The following ATP6V1H variants were observed in gnomAD, a reference collection of about 807,000 sequenced individuals.
The protein encoded by ATP6V1H is ATPase H+ transporting V1 subunit H.
A neutral mutation model predicts 71.7 loss-of-function variants in ATP6V1H; 39 were observed. The observed-to-expected ratio is 0.54, with a 90% CI of 0.42 to 0.71. The LOEUF is 0.71. Ranked by LOEUF, ATP6V1H falls within the 30% of genes least tolerant of loss-of-function variation. The probability of loss-of-function intolerance (pLI) is 0.00; values close to 1 mark genes in which losing one functional copy is unlikely to be tolerated. For missense variants in ATP6V1H, 509 were observed against 594.9 expected (o/e 0.86, Z 1.50); for synonymous variants, 192 against 199.3 (o/e 0.96, Z 0.31).
chr8:53,741,115 T>C (rs1273665639), intron 13 of ATP6V1H, among the ~76,000 whole-genome samples: 1 of 152,168 alleles, frequency 6.6e-6, no homozygotes, highest in Non-Finnish European at 1.5e-5. Flanking sequence ...TAAACCAGTA[T>C]TTCCCTGTAA....
intron 11 of ATP6V1H, among the ~76,000 whole-genome samples, chr8:53,765,950 G>A (rs1016350497): frequency 1.2e-4 from 18 of 152,136 alleles, no homozygotes; most frequent in African/African-American, 2.2e-4. Context: ...CAAATAGATC[G>A]CTGAAACAGA....
Position 53,829,478 on chromosome 8 carries a change from T to G in ATP6V1H, c.272A>C (p.Gln91Pro). ...MTHICKEQTV[Q>P]YILTMVDDML... The stretch of plus-strand genomic sequence containing the variant: ...ATCATCCACCATAGTTAGTATATAC[T>G]GAACGGTCTGTTCTTTGCAGATATG... Residue 91 changes from glutamine (Q) to proline (P), a missense_variant, in exon 4 of 14, where the codon CAG becomes CCG. This residue lies in a region of ATP6V1H where 297 missense variants were observed against 303.3 expected (regional missense o/e 0.98). Coordinates refer to ENST00000359530, the MANE Select transcript of ATP6V1H (RefSeq NM_015941.4). The G allele has an allele frequency of 6.2e-7, 1 of 1,605,492 alleles. No individual in the cohort carries two copies. The highest frequency in any genetic ancestry group is 8.5e-7 in the Non-Finnish European group (1 of 1,176,668).
chr8:53,817,553 T>C (rs761595443), intron 4 of ATP6V1H, 23 bp from the exon 5 acceptor site: 79 of 1,457,522 alleles, frequency 5.4e-5, no homozygotes, highest in Non-Finnish European at 7.0e-5. Context: ...AGAAATGATA[T>C]CACCAGTCAG....
intron 12 of ATP6V1H, among the ~76,000 whole-genome samples, chr8:53,753,137 A>C (rs1807861599): frequency 6.6e-6 from 1 of 151,678 alleles, no homozygotes; most frequent in Non-Finnish European, 1.5e-5. Context: ...AGGAGAAAAT[A>C]ATTTGAAAAC....
At chr8:53,777,438 TAAAGG>T (rs1808933974) in intron 9 of ATP6V1H, among the ~76,000 whole-genome samples, 1 of 142,344 alleles carries the variant, frequency 7.0e-6, no homozygotes, top group Non-Finnish European at 1.5e-5. Flanking sequence ...GAGAGAAAAA[TAAAGG>T]AGAGAGGTCA....
chr8:53,765,269 G>A (rs1356459299), intron 11 of ATP6V1H, among the ~76,000 whole-genome samples: 1 of 151,854 alleles, frequency 6.6e-6, no homozygotes, highest in South Asian at 2.1e-4. Flanking sequence ...GGGCGTGGTG[G>A]TGCGCGCCTG....
intron 12 of ATP6V1H, among the ~76,000 whole-genome samples, chr8:53,751,387 C>A (rs575532069): frequency 6.6e-6 from 1 of 152,114 alleles, no homozygotes; most frequent in African/African-American, 2.4e-5. Flanking sequence ...CTGTACTAAC[C>A]GAATTGGAAG....
rs531242762 is a variant in ATP6V1H at position 53,747,447 on chromosome 8, C to T, written c.1278-3757G>A. On this transcript the variant is annotated intron_variant, in intron 12 of 13. Coordinates refer to ENST00000359530, the MANE Select transcript of ATP6V1H (RefSeq NM_015941.4). ...ATTTTGGAGAATATTTATCAGATTT[C>T]TAAGTGAGGAAGCTCACTCTTCTCA... is the stretch of plus-strand genomic sequence containing the variant. 1.5e-4 allele frequency among the ~76,000 whole-genome samples: 23 copies of T among 151,676 alleles called. No individual in the cohort carries two copies. The East Asian group carries it at 4.3e-3, about 28-fold the overall frequency.
intron 11 of ATP6V1H, among the ~76,000 whole-genome samples, chr8:53,763,508 T>G (rs1204699382): frequency 6.6e-6 from 1 of 152,212 alleles, no homozygotes; most frequent in Admixed American, 6.5e-5. Context: ...CAAACTGACT[T>G]ACAGCTTCAA....
At chr8:53,835,231 C>T (rs915979673) in intron 2 of ATP6V1H, among the ~76,000 whole-genome samples, 5 of 152,098 alleles carry the variant, frequency 3.3e-5, no homozygotes, top group Non-Finnish European at 5.9e-5. Context: ...GGCCCTGAGA[C>T]GAAGATTCAT....
chr8:53,782,287 T>C (rs1563464197), intron 9 of ATP6V1H, among the ~76,000 whole-genome samples: 1 of 152,114 alleles, frequency 6.6e-6, no homozygotes, highest in South Asian at 2.1e-4. Flanking sequence ...CTAGGTATTT[T>C]ATTCTCTTTG....
At chr8:53,813,853 C>A (rs1810362213) in intron 6 of ATP6V1H, among the ~76,000 whole-genome samples, 1 of 152,198 alleles carries the variant, frequency 6.6e-6, no homozygotes, top group Non-Finnish European at 1.5e-5. Context: ...CCTAACTAAT[C>A]CCACCCTGAA....
At chr8:53,826,557 T>C (rs943450991) in intron 4 of ATP6V1H, among the ~76,000 whole-genome samples, 1 of 151,992 alleles carries the variant, frequency 6.6e-6, no homozygotes, top group Non-Finnish European at 1.5e-5. Flanking sequence ...AAATAAGAGA[T>C]TATATCTAAT....
At chr8:53,794,764 C>G (rs1376886841) in intron 9 of ATP6V1H, among the ~76,000 whole-genome samples, 1 of 152,184 alleles carries the variant, frequency 6.6e-6, no homozygotes, top group Non-Finnish European at 1.5e-5. Flanking sequence ...TGCATGTCTG[C>G]TACCTATCAG....
intron 13 of ATP6V1H, among the ~76,000 whole-genome samples, chr8:53,740,272 T>A (rs1296241182): frequency 6.6e-6 from 1 of 152,218 alleles, no homozygotes; most frequent in Non-Finnish European, 1.5e-5. Context: ...TACCTAAAAT[T>A]TTTTAAATTC....
At chr8:53,805,664 G>A (rs1810056349) in intron 7 of ATP6V1H, among the ~76,000 whole-genome samples, 1 of 152,126 alleles carries the variant, frequency 6.6e-6, no homozygotes, top group Non-Finnish European at 1.5e-5. Flanking sequence ...AGGTGCTGCA[G>A]ACATAAAGGT....
At chr8:53,832,902 G>C in intron 3 of ATP6V1H, 82 bp downstream of exon 3, 1 of 842,226 alleles carries the variant, frequency 1.2e-6, no homozygotes, top group Non-Finnish European at 1.9e-6. Flanking sequence ...AAGAAAACTG[G>C]AAGTCACTTA....
chr8:53,771,452 A>C (rs918434560), intron 10 of ATP6V1H, among the ~76,000 whole-genome samples: 13 of 152,186 alleles, frequency 8.5e-5, no homozygotes, highest in Non-Finnish European at 1.6e-4. Flanking sequence ...AGGGGTTAGA[A>C]GGCTTTTTGG....
chr8:53,835,373 G>C (rs1811125255), intron 2 of ATP6V1H, among the ~76,000 whole-genome samples: 1 of 152,194 alleles, frequency 6.6e-6, no homozygotes, highest in African/African-American at 2.4e-5. Flanking sequence ...GAGCCCACAG[G>C]AGAGCCTGGG....
Sources: allele counts gnomAD v4.1 joint callset (sites outside exome capture counted in the v4.1 genomes callset), GRCh38; gene constraint gnomAD v4.1.1; regional missense constraint gnomAD v4.1.1; transcripts MANE v1.5; gene names NCBI Gene and HGNC (gene_info 2026-07-23, HGNC 2026-07-21).